The following PRKACB variants were observed in gnomAD, a reference collection of about 807,000 sequenced individuals.
PRKACB encodes protein kinase cAMP-activated catalytic subunit beta.
In PRKACB, 16 loss-of-function variants were observed where a neutral mutation model predicts 51.4. The ratio of observed to expected loss-of-function variants is 0.31; its 90% CI spans 0.21 to 0.47. The LOEUF is 0.47. Ranked by LOEUF, PRKACB falls within the 20% of genes least tolerant of loss-of-function variation. PRKACB has a pLI of 1.00. For missense variants in PRKACB, 309 were observed against 464.5 expected, an observed-to-expected ratio of 0.67 and a Z score of 3.08; for synonymous variants, 147 against 154.4, an observed-to-expected ratio of 0.95 and a Z score of 0.35.
At chr1:84,132,717 A>G (rs1652367688) in intron 1 of PRKACB, among the ~76,000 whole-genome samples, 1 of 152,190 alleles carries the variant, frequency 6.6e-6, no homozygotes, top group Non-Finnish European at 1.5e-5. Context: ...GGCATAAAAA[A>G]CACTATAACA....
intron 1 of PRKACB, among the ~76,000 whole-genome samples, chr1:84,093,498 C>G (rs1299276582): frequency 3.9e-5 from 6 of 152,030 alleles, no homozygotes; most frequent in Admixed American, 3.9e-4. Context: ...CAGTACAAAA[C>G]TGCATGAATT....
chr1:84,164,618 A>T, intron 1 of PRKACB: 1 of 1,375,264 alleles, frequency 7.3e-7, no homozygotes, highest in Non-Finnish European at 9.5e-7. Flanking sequence ...ATTCTGGTCT[A>T]ATGTTGCCGT....
chr1:84,119,771 G>A (rs761043044), intron 1 of PRKACB, among the ~76,000 whole-genome samples: 4 of 152,066 alleles, frequency 2.6e-5, no homozygotes, highest in Non-Finnish European at 5.9e-5. Context: ...TAGCAAGGTG[G>A]CATTTATGAG....
At chr1:84,163,549 G>A (rs1195498496) in intron 1 of PRKACB, among the ~76,000 whole-genome samples, 1 of 151,918 alleles carries the variant, frequency 6.6e-6, no homozygotes, top group Non-Finnish European at 1.5e-5. Context: ...TTCATGACCA[G>A]CCCTACCCTG....
At chr1:84,190,425 C>T (rs544649377) in intron 5 of PRKACB, among the ~76,000 whole-genome samples, 35 of 151,874 alleles carry the variant, frequency 2.3e-4, no homozygotes, top group Non-Finnish European at 3.2e-4. Flanking sequence ...TAGGCAGAGT[C>T]GTTATTTTAA....
chr1:84,205,049 A>C (rs1383954016), intron 8 of PRKACB: 3 of 982,988 alleles, frequency 3.1e-6, no homozygotes, highest in Non-Finnish European at 3.6e-6. Flanking sequence ...ATTATATCAC[A>C]ATATTCTGTT....
chr1:84,233,160 C>T (rs931265640), intron 9 of PRKACB, among the ~76,000 whole-genome samples: 7 of 151,958 alleles, frequency 4.6e-5, no homozygotes, highest in Non-Finnish European at 8.8e-5. Flanking sequence ...TTTTATTTCT[C>T]CTTCACTTAT....
intron 1 of PRKACB, among the ~76,000 whole-genome samples, chr1:84,125,475 C>T (rs1021492): frequency 0.017 from 2,619 of 152,232 alleles, 191 homozygotes; most frequent in Admixed American, 0.14. Context: ...TAATTACATC[C>T]GCAGAGTCCA....
intron 1 of PRKACB, among the ~76,000 whole-genome samples, chr1:84,078,690 C>T (rs924094103): frequency 6.6e-6 from 1 of 152,150 alleles, no homozygotes; most frequent in African/African-American, 2.4e-5. Flanking sequence ...GGAAAGAAGT[C>T]CCTAGTGCCA....
At chr1:84,104,297 A>G (rs576572711) in intron 1 of PRKACB, among the ~76,000 whole-genome samples, 2 of 152,276 alleles carry the variant, frequency 1.3e-5, no homozygotes, top group East Asian at 3.9e-4. Flanking sequence ...TGTTGCCACA[A>G]ATAACAGGAT....
chr1:84,201,172 C>A (rs1210468924), intron 7 of PRKACB, among the ~76,000 whole-genome samples: 2 of 152,012 alleles, frequency 1.3e-5, no homozygotes, highest in South Asian at 2.1e-4. Flanking sequence ...ACACTTCTAC[C>A]ATTAGTGTAT....
intron 7 of PRKACB, among the ~76,000 whole-genome samples, chr1:84,201,377 T>C (rs1012302119): frequency 2.0e-5 from 3 of 152,118 alleles, no homozygotes; most frequent in Admixed American, 2.0e-4. Context: ...CATTTATCTA[T>C]TGTAATTTAA....
At chr1:84,220,149 T>C (rs1378585277) in intron 9 of PRKACB, among the ~76,000 whole-genome samples, 1 of 152,166 alleles carries the variant, frequency 6.6e-6, no homozygotes, top group Admixed American at 6.5e-5. Context: ...TTTGTAGTTT[T>C]TCTTGTAGAG....
In PRKACB at chr1:84,222,730, A is replaced by G. The variant is rs1245613461; in HGVS notation, c.1071+8413A>G. On this transcript the variant is annotated intron_variant, in intron 9 of 9. Transcript: ENST00000370685. ...CCCTCAGTTTTTGCTTATCTGGGAA[A>G]GACTTTTTTTCTCCTTCATTTTTGA... 2.0e-5 allele frequency among the ~76,000 whole-genome samples: 3 copies of G among 152,172 alleles called. No homozygotes were observed. The East Asian group carries it at 5.8e-4, about 29-fold the overall frequency.
chr1:84,089,155 G>T (rs1474055537), intron 1 of PRKACB, among the ~76,000 whole-genome samples: 1 of 152,120 alleles, frequency 6.6e-6, no homozygotes, highest in Non-Finnish European at 1.5e-5. Context: ...CTTGGCTCAT[G>T]TCATGGTGGA....
intron 9 of PRKACB, among the ~76,000 whole-genome samples, chr1:84,230,558 C>G (rs970772843): frequency 3.9e-5 from 6 of 152,116 alleles, no homozygotes; most frequent in Non-Finnish European, 5.9e-5. Flanking sequence ...TTCTTCCTAC[C>G]CATGAGCATG....
In PRKACB at chr1:84,196,774, A is replaced by G. The variant is rs372280428; in HGVS notation, c.687+32A>G. ...CTTTAACACATTATGTGTACTGTATATGAGAAAATACTAGGCAAGACATTG... is the reference window on the plus strand; with the variant it reads ...CTTTAACACATTATGTGTACTGTATGTGAGAAAATACTAGGCAAGACATTG... On this transcript the variant is annotated intron_variant, in intron 6 of 9. Coordinates refer to ENST00000370685, the MANE Select transcript of PRKACB (RefSeq NM_182948.4). The G allele has an allele frequency of 5.4e-5, 86 of 1,579,534 alleles. No homozygotes were observed. In the African/African-American group the frequency reaches 8.3e-4, roughly 15 times the overall value.
rs962660004 is a variant in PRKACB at position 84,082,634 on chromosome 1, C to T, written c.46+4263C>T. On this transcript the variant is annotated intron_variant, in intron 1 of 8. Transcript: ENST00000370688. The stretch of plus-strand genomic sequence containing the variant: ...TCTCATTTCACCATGATTAGAGTAG[C>T]GCTGTCCAGTCAAACATTCTGTGAT... Among the ~76,000 whole-genome samples the T allele has an allele frequency of 7.9e-5, 12 of 152,070 alleles. No individual in the cohort carries two copies. In the South Asian group the frequency reaches 1.0e-3, roughly 13 times the overall value.
chr1:84,144,612 A>G, intron 1 of PRKACB, 64 bp downstream of exon 1: 3 of 1,449,480 alleles, frequency 2.1e-6, no homozygotes, highest in Non-Finnish European at 2.8e-6. Context: ...GGAGTTTTAC[A>G]ATCAAACATA....
Sources: gnomAD v4.1 joint callset for allele counts (sites outside exome capture counted in the v4.1 genomes callset) on GRCh38, gnomAD v4.1.1 for gene constraint, MANE v1.5 for transcripts, NCBI Gene and HGNC (gene_info 2026-07-23, HGNC 2026-07-21) for gene names.